KIF26B: variants seen among roughly 807,000 people sequenced by gnomAD.
KIF26B encodes kinesin-like protein KIF26B.
In KIF26B, 63 loss-of-function variants were observed where a neutral mutation model predicts 151.2. The observed-to-expected ratio is 0.42, with a 90% CI of 0.34 to 0.51. KIF26B has a LOEUF of 0.51. Ranked by LOEUF, KIF26B falls within the 20% of genes least tolerant of loss-of-function variation. KIF26B has a pLI of 0.07. For missense variants in KIF26B, 2,813 were observed against 2,913.6 expected (o/e 0.97, Z 0.79); for synonymous variants, 1,357 against 1,262.1 (o/e 1.08, Z -1.59).
chr1:245,210,450 G>A (rs1042513579), intron 2 of KIF26B, among the ~76,000 whole-genome samples: 1 of 150,908 alleles, frequency 6.6e-6, no homozygotes, highest in Non-Finnish European at 1.5e-5. Flanking sequence ...TGGTGTTCTG[G>A]TGGTAAATAT....
intron 3 of KIF26B, among the ~76,000 whole-genome samples, chr1:245,414,599 G>A (rs61831487): frequency 1.1e-4 from 16 of 152,200 alleles, no homozygotes; most frequent in Non-Finnish European, 1.6e-4. Context: ...CGGGGCTCAC[G>A]TATGGGAACT....
At chr1:245,415,520 T>C (rs915002391) in intron 3 of KIF26B, among the ~76,000 whole-genome samples, 1 of 152,092 alleles carries the variant, frequency 6.6e-6, no homozygotes, top group South Asian at 2.1e-4. Context: ...TACCAGTGTA[T>C]GCGGGAAAAA....
At chr1:245,502,879 G>A (rs75928714) in intron 4 of KIF26B, among the ~76,000 whole-genome samples, 1 of 141,520 alleles carries the variant, frequency 7.1e-6, no homozygotes, top group East Asian at 2.0e-4. Flanking sequence ...TTTTTTTTTC[G>A]AGATGGAGTT....
chr1:245,652,428 C>T (rs927903120), intron 10 of KIF26B, among the ~76,000 whole-genome samples: 1 of 152,130 alleles, frequency 6.6e-6, no homozygotes, highest in African/African-American at 2.4e-5. Context: ...GCTGGGACAT[C>T]GAAGTCCCTT....
At chr1:245,419,856 T>C in intron 4 of KIF26B, 111 bp downstream of exon 4, 1 of 1,009,528 alleles carries the variant, frequency 9.9e-7, no homozygotes, top group Non-Finnish European at 1.5e-6. Flanking sequence ...CGTTCTGTGA[T>C]GTCATTCATT....
chr1:245,339,134 C>T (rs767850020), intron 2 of KIF26B, among the ~76,000 whole-genome samples: 55 of 152,166 alleles, frequency 3.6e-4, no homozygotes, highest in Admixed American at 7.2e-4. Flanking sequence ...TGTGCCACCA[C>T]GCCTGGCTAA....
intron 2 of KIF26B, among the ~76,000 whole-genome samples, chr1:245,310,491 T>C (rs1671645477): frequency 6.6e-6 from 1 of 152,352 alleles, no homozygotes; most frequent in East Asian, 1.9e-4. Context: ...ACTGAGGCAC[T>C]CAGAGCTTAG....
intron 2 of KIF26B, among the ~76,000 whole-genome samples, chr1:245,323,148 A>G (rs1671919987): frequency 6.6e-6 from 1 of 152,104 alleles, no homozygotes. Context: ...CTCTATTCCT[A>G]TTATCTTATT....
At position 245,698,130 on chromosome 1, in the gene KIF26B, C is replaced by T; in HGVS notation, c.5849C>T (p.Pro1950Leu). 6.2e-7 allele frequency: 1 copy of T among 1,613,958 alleles called. No individual in the cohort carries two copies. The highest frequency in any genetic ancestry group is 1.6e-4 in the Middle Eastern group (1 of 6,062). Residue 1950 changes from proline to leucine, a missense_variant, in exon 13 of 15, where the codon CCA (proline) becomes CTA (leucine). Pro to Leu is a moderately conservative substitution (Grantham distance 98). This residue lies in a region of KIF26B where 2,060 missense variants were observed against 2,088.6 expected (regional missense o/e 0.99). Coordinates refer to ENST00000407071, the MANE Select transcript of KIF26B (RefSeq NM_018012.4). The surrounding 1 kb of genome is among the most constrained non-coding windows in gnomAD (Gnocchi z 4.0). ...GGTTCTCAGAGACGGAGGCTTATCC[C>T]AGCACTATCCCTGGACACCTCTTCC... ...NPGSQRRRLI[P>L]ALSLDTSSPV...
chr1:245,382,588 G>C (rs1209228075), intron 3 of KIF26B, among the ~76,000 whole-genome samples: 2 of 151,782 alleles, frequency 1.3e-5, no homozygotes, highest in African/African-American at 4.8e-5. Context: ...TTGTTTTTGA[G>C]GCAGAGTTTC....
intron 2 of KIF26B, among the ~76,000 whole-genome samples, chr1:245,225,494 G>C (rs1056348005): frequency 6.6e-6 from 1 of 152,202 alleles, no homozygotes; most frequent in South Asian, 2.1e-4. Flanking sequence ...GCTTACACCG[G>C]CCGTGTCAGA....
At chr1:245,539,039 C>T (rs1173851015) in intron 4 of KIF26B, among the ~76,000 whole-genome samples, 2 of 152,130 alleles carry the variant, frequency 1.3e-5, no homozygotes, top group Non-Finnish European at 2.9e-5. Context: ...TTTCTTTTCA[C>T]TGATTGAAAA....
intron 6 of KIF26B, among the ~76,000 whole-genome samples, chr1:245,603,342 T>C (rs1442587986): frequency 1.3e-5 from 2 of 152,136 alleles, no homozygotes; most frequent in African/African-American, 2.4e-5. Flanking sequence ...GGACAGGTGT[T>C]GTATTCGCTG....
At chr1:245,346,021 C>T (rs1672448189) in intron 2 of KIF26B, among the ~76,000 whole-genome samples, 1 of 151,346 alleles carries the variant, frequency 6.6e-6, no homozygotes, top group Non-Finnish European at 1.5e-5. Context: ...CAACTTCTGC[C>T]CCCTGGGTTC....
At chr1:245,472,065 T>C (rs1226294803) in intron 4 of KIF26B, among the ~76,000 whole-genome samples, 3 of 152,216 alleles carry the variant, frequency 2.0e-5, no homozygotes, top group Admixed American at 6.5e-5. Context: ...GTGCTGGGAT[T>C]ACAGGCGTGA....
chr1:245,295,937 C>T (rs1415819636), intron 2 of KIF26B, among the ~76,000 whole-genome samples: 1 of 152,186 alleles, frequency 6.6e-6, no homozygotes, highest in African/African-American at 2.4e-5. Context: ...TGGCCTGACA[C>T]AGCTCTGGTT....
At chr1:245,489,969 C>T (rs1038189951) in intron 4 of KIF26B, among the ~76,000 whole-genome samples, 10 of 152,220 alleles carry the variant, frequency 6.6e-5, no homozygotes, top group African/African-American at 2.4e-4. Context: ...AGGTAAGGAA[C>T]ATGCCCAAGC....
At chr1:245,326,916 C>A (rs1024137870) in intron 2 of KIF26B, among the ~76,000 whole-genome samples, 6 of 152,202 alleles carry the variant, frequency 3.9e-5, no homozygotes, top group African/African-American at 1.4e-4. Flanking sequence ...TAGTGGGAAC[C>A]CTTCTTCTTG....
intron 2 of KIF26B, among the ~76,000 whole-genome samples, chr1:245,303,449 C>T (rs12727577): frequency 0.046 from 6,949 of 151,848 alleles, 232 homozygotes; most frequent in Middle Eastern, 0.075. Flanking sequence ...CCGCCCGCCT[C>T]GGCCTCCCAA....
Sources: allele counts gnomAD v4.1 joint callset (sites outside exome capture counted in the v4.1 genomes callset), GRCh38; gene constraint gnomAD v4.1.1; regional missense constraint gnomAD v4.1.1; non-coding constraint Gnocchi (gnomAD v3.1); transcripts MANE v1.5; gene names NCBI Gene and HGNC (gene_info 2026-07-23, HGNC 2026-07-21).